The following C11orf65 variants were observed in gnomAD, a reference collection of about 807,000 sequenced individuals.
C11orf65 encodes chromosome 11 open reading frame 65, also known as protein MFI.
C11orf65 carries 38 observed loss-of-function variants against 35.3 expected under a neutral mutation model. The observed-to-expected ratio is 1.08, with a 90% confidence interval of 0.83 to 1.41. C11orf65 has a LOEUF of 1.41. Among genes scored for constraint, C11orf65 ranks in the 40% most tolerant of loss-of-function variants. The probability of loss-of-function intolerance (pLI) is 0.00; values close to 1 mark genes in which losing one functional copy is unlikely to be tolerated. For missense variants in C11orf65, 370 were observed against 367.1 expected (o/e 1.01, Z -0.06); for synonymous variants, 105 against 114.4 (o/e 0.92, Z 0.53).
Position 108,310,199 on chromosome 11 carries a change from G to A in C11orf65, c.641-1128C>T, listed in dbSNP as rs2084026789. The A allele has an allele frequency of 6.2e-7, 1 of 1,613,460 alleles. No individual in the cohort carries two copies. Among genetic ancestry groups the A allele is most frequent in the East Asian group, 2.2e-5 (1 of 44,768 alleles). ...CAATTTTTAATGATGCTTTCTGGCT[G>A]GATTTAAATTATCTAGAAGTTGCCA... is the stretch of plus-strand genomic sequence containing the variant. On this transcript the variant is annotated intron_variant, in intron 6 of 6. Coordinates refer to the C11orf65 transcript ENST00000525729.
At chr11:108,455,726 G>T (rs1003418700) in intron 2 of C11orf65, among the ~76,000 whole-genome samples, 5 of 142,040 alleles carry the variant, frequency 3.5e-5, no homozygotes, top group Admixed American at 1.5e-4. Context: ...TGAGGCAGGA[G>T]AATCGCTTGA....
At chr11:108,314,012 TAC>T (rs2084392066) in intron 6 of C11orf65, among the ~76,000 whole-genome samples, 2 of 152,224 alleles carry the variant, frequency 1.3e-5, no homozygotes, top group African/African-American at 4.8e-5. Flanking sequence ...CCAATTCCAA[TAC>T]AGTTTTGTGC....
chr11:108,327,531 TCCCACC>T, downstream of C11orf65: 1 of 807,648 alleles, frequency 1.2e-6, no homozygotes, highest in South Asian at 1.5e-5. Context: ...ACTTTTTTTT[TCCCACC>T]CACCAAGGAA....
At chr11:108,385,805 T>A in intron 8 of C11orf65, 115 bp downstream of exon 8, 1 of 809,304 alleles carries the variant, frequency 1.2e-6, no homozygotes, top group Middle Eastern at 2.6e-4. Flanking sequence ...GACAAATGCA[T>A]CTAAATTTAT....
chr11:108,403,059 T>G (rs1565651300), intron 6 of C11orf65, among the ~76,000 whole-genome samples: 1 of 152,198 alleles, frequency 6.6e-6, no homozygotes, highest in Non-Finnish European at 1.5e-5. Context: ...TCACATACAA[T>G]CTTTCTGTGG....
chr11:108,433,593 A>G (rs1157639811), intron 2 of C11orf65, among the ~76,000 whole-genome samples: 1 of 151,814 alleles, frequency 6.6e-6, no homozygotes, highest in African/African-American at 2.4e-5. Context: ...ACAAAACAAA[A>G]CAAAACAAAA....
chr11:108,339,982 A>T (rs1009245729), intron 2 of C11orf65, among the ~76,000 whole-genome samples: 1 of 152,188 alleles, frequency 6.6e-6, no homozygotes, highest in Non-Finnish European at 1.5e-5. Flanking sequence ...GTTGGGTTAG[A>T]TACTCTACTG....
chr11:108,312,550 G>A, intron 6 of C11orf65: 1 of 1,307,042 alleles, frequency 7.7e-7, no homozygotes, highest in Non-Finnish European at 1.1e-6. Flanking sequence ...CATACTTTGG[G>A]TTATTTTGTT....
intron 2 of C11orf65, among the ~76,000 whole-genome samples, chr11:108,443,243 T>G (rs563798570): frequency 2.5e-4 from 38 of 152,108 alleles, no homozygotes; most frequent in South Asian, 1.5e-3. Flanking sequence ...ATTACGTAAT[T>G]ATAAAGGGAT....
chr11:108,325,043 T>C (rs1229461434), intron 6 of C11orf65, among the ~76,000 whole-genome samples: 3 of 152,166 alleles, frequency 2.0e-5, no homozygotes, highest in African/African-American at 7.2e-5. Context: ...CTGCTTTTTG[T>C]AATGTCAGAG....
At position 108,461,629 on chromosome 11, in the gene C11orf65, T is replaced by C. The variant is rs555317539; in HGVS notation, c.-9-61A>G. 10 of 1,122,108 alleles carry C rather than the reference T, an allele frequency of 8.9e-6. No homozygotes were observed. The African/African-American group carries it at 9.6e-5, about 11-fold the overall frequency. The allele number at this position is 1,122,108 out of a possible 1,614,324, so 69.5% of individuals were successfully genotyped here. ...TAATTTTAATTTACTTTCATTTTTA[T>C]TTATTTATTTTTTTTAGAGACACAT... On this transcript the variant is annotated intron_variant, in intron 1 of 8. Coordinates refer to ENST00000393084, the MANE Select transcript of C11orf65 (RefSeq NM_152587.5).
chr11:108,418,838 T>C (rs956015731), intron 3 of C11orf65, among the ~76,000 whole-genome samples: 17 of 152,048 alleles, frequency 1.1e-4, no homozygotes, highest in African/African-American at 3.6e-4. Context: ...TCTAAGGCAT[T>C]AGAAAGATCA....
intron 6 of C11orf65, among the ~76,000 whole-genome samples, chr11:108,316,502 T>A (rs371522650): frequency 6.6e-6 from 1 of 152,156 alleles, no homozygotes; most frequent in Admixed American, 6.5e-5. Flanking sequence ...TCCCAGAACC[T>A]GTTGTTTCTA....
chr11:108,359,188 A>C (rs2090406413), intron 2 of C11orf65, among the ~76,000 whole-genome samples: 2 of 151,508 alleles, frequency 1.3e-5, no homozygotes, highest in African/African-American at 4.9e-5. Context: ...AAAGATCAAA[A>C]GAAACAAAGA....
At chr11:108,390,907 C>T (rs1393823284) in intron 7 of C11orf65, among the ~76,000 whole-genome samples, 1 of 152,008 alleles carries the variant, frequency 6.6e-6, no homozygotes, top group East Asian at 1.9e-4. Flanking sequence ...ACACTTAGTC[C>T]TTTATTTTTT....
rs1041168376 is a variant in C11orf65 at position 108,387,491 on chromosome 11, T to G, written c.732-1516A>C. ...TTCTGTCAACCCTGTGCTCCTGAAGTTTTTTGCAGTAGGAGGGTATATACT... is the reference window on the plus strand; with the variant it reads ...TTCTGTCAACCCTGTGCTCCTGAAGGTTTTTGCAGTAGGAGGGTATATACT... On this transcript the variant is annotated intron_variant, in intron 7 of 8. Coordinates refer to ENST00000393084, the MANE Select transcript of C11orf65 (RefSeq NM_152587.5). 2.0e-5 allele frequency among the ~76,000 whole-genome samples: 3 copies of G among 152,106 alleles called. No homozygotes were observed. The East Asian group carries it at 5.8e-4, about 29-fold the overall frequency.
chr11:108,403,948 T>C (rs1049268239), intron 6 of C11orf65, among the ~76,000 whole-genome samples: 5 of 152,198 alleles, frequency 3.3e-5, no homozygotes, highest in Non-Finnish European at 7.4e-5. Context: ...TTATTAAGAT[T>C]CTTCTCTGTT....
intron 3 of C11orf65, among the ~76,000 whole-genome samples, chr11:108,418,006 T>C (rs2092764648): frequency 2.0e-5 from 3 of 150,904 alleles, no homozygotes; most frequent in African/African-American, 4.9e-5. Context: ...GTTGTATTAA[T>C]ACCAGAAATT....
chr11:108,366,165 G>A, intron 2 of C11orf65: 1 of 193,752 alleles, frequency 5.2e-6, no homozygotes, highest in Non-Finnish European at 1.1e-5. Context: ...TTTTAAGTGT[G>A]TATTAAAACT....
Sources: allele counts gnomAD v4.1 joint callset (sites outside exome capture counted in the v4.1 genomes callset), GRCh38; gene constraint gnomAD v4.1.1; transcripts MANE v1.5; gene names NCBI Gene and HGNC (gene_info 2026-07-23, HGNC 2026-07-21).